The following ROBO2 variants were observed in gnomAD, a reference collection of about 807,000 sequenced individuals.
ROBO2 encodes roundabout homolog 2.
Under a neutral mutation model 160.8 loss-of-function variants are expected in ROBO2, and 53 were observed. The ratio of observed to expected loss-of-function variants is 0.33; its 90% CI spans 0.26 to 0.41. ROBO2 has a LOEUF of 0.41. ROBO2 is among the 10% of genes least tolerant of loss of function. The probability of loss-of-function intolerance (pLI) is 1.00; values close to 1 mark genes in which losing one functional copy is unlikely to be tolerated. For missense variants in ROBO2, 1,577 were observed against 1,722.4 expected, an observed-to-expected ratio of 0.92 and a Z score of 1.49; for synonymous variants, 664 against 611.7, an observed-to-expected ratio of 1.09 and a Z score of -1.26.
chr3:76,586,900 A>G (rs959764835), intron 2 of ROBO2, among the ~76,000 whole-genome samples: 2 of 152,240 alleles, frequency 1.3e-5, no homozygotes, highest in African/African-American at 4.8e-5. Context: ...AGGAAGATCA[A>G]CTCAGAAGCT....
Position 76,345,392 on chromosome 3 carries a change from T to G in ROBO2, c.109+407790T>G, listed in dbSNP as rs138895155. Reference sequence around the variant, plus strand: ...AGATGTGTGAGAATGTGTATAAACATGTGCAGGTGTGTTTCAAGAGTAGGC... The same window carrying G: ...AGATGTGTGAGAATGTGTATAAACAGGTGCAGGTGTGTTTCAAGAGTAGGC... On this transcript the variant is annotated intron_variant, in intron 2 of 26. Coordinates refer to the ROBO2 transcript ENST00000487694. Among the ~76,000 whole-genome samples, 367 of 151,404 alleles carry G rather than the reference T, an allele frequency of 2.4e-3. 1 individual carries two copies. The highest frequency in any genetic ancestry group is 4.5e-3 in the Non-Finnish European group (302 of 67,836).
At chr3:76,567,797 G>GTGTGTA (rs1260549103) in intron 2 of ROBO2, among the ~76,000 whole-genome samples, 15 of 72,454 alleles carry the variant, frequency 2.1e-4, no homozygotes, top group African/African-American at 7.3e-4. Context: ...GTGTGTGTGT[G>GTGTGTA]TATATATATA....
chr3:76,688,961 C>T (rs907030184), intron 2 of ROBO2, among the ~76,000 whole-genome samples: 2 of 151,966 alleles, frequency 1.3e-5, no homozygotes, highest in African/African-American at 4.8e-5. Flanking sequence ...AATAATGAAT[C>T]ATTGCTTACC....
intron 2 of ROBO2, among the ~76,000 whole-genome samples, chr3:76,290,469 G>T (rs1708748310): frequency 6.6e-6 from 1 of 152,136 alleles, no homozygotes; most frequent in African/African-American, 2.4e-5. Context: ...TGCAAAGGGA[G>T]ATATAGTTTG....
chr3:77,276,942 A>G (rs1206009097), intron 2 of ROBO2, among the ~76,000 whole-genome samples: 1 of 152,144 alleles, frequency 6.6e-6, no homozygotes, highest in Non-Finnish European at 1.5e-5. Flanking sequence ...CCAGAATAGT[A>G]TGGGGAAAAC....
At chr3:77,394,831 G>A (rs1473447080) in intron 2 of ROBO2, among the ~76,000 whole-genome samples, 1 of 152,024 alleles carries the variant, frequency 6.6e-6, no homozygotes. Context: ...ATTCATATCA[G>A]CAATACTGTT....
chr3:76,793,954 T>C (rs1278662996), intron 2 of ROBO2, among the ~76,000 whole-genome samples: 1 of 151,986 alleles, frequency 6.6e-6, no homozygotes, highest in African/African-American at 2.4e-5. Flanking sequence ...GAGATCATTG[T>C]CCATCTATTT....
chr3:76,056,739 TAAAC>T (rs1188356705), intron 2 of ROBO2, among the ~76,000 whole-genome samples: 8 of 152,212 alleles, frequency 5.3e-5, no homozygotes, highest in Admixed American at 3.9e-4. Context: ...GTACAAATCT[TAAAC>T]ATACATCAGT....
intron 2 of ROBO2, among the ~76,000 whole-genome samples, chr3:77,244,210 T>C (rs2151390189): frequency 6.6e-6 from 1 of 152,306 alleles, no homozygotes; most frequent in East Asian, 1.9e-4. Context: ...GGCAACTTAC[T>C]GGAAGAATCA....
chr3:75,989,836 C>G (rs2065515671), intron 2 of ROBO2, among the ~76,000 whole-genome samples: 2 of 152,230 alleles, frequency 1.3e-5, no homozygotes, highest in African/African-American at 4.8e-5. Flanking sequence ...ATGCGTAACA[C>G]ACATTCTGTG....
At chr3:77,203,293 A>G (rs991360852) in intron 2 of ROBO2, among the ~76,000 whole-genome samples, 1 of 152,224 alleles carries the variant, frequency 6.6e-6, no homozygotes. Flanking sequence ...AAAATTAAGT[A>G]ATCTTTGATG....
chr3:77,003,918 G>T (rs1396503470), intron 2 of ROBO2, among the ~76,000 whole-genome samples: 1 of 152,052 alleles, frequency 6.6e-6, no homozygotes, highest in East Asian at 1.9e-4. Flanking sequence ...TTCTCTCTCT[G>T]CCTGGGATTT....
intron 2 of ROBO2, among the ~76,000 whole-genome samples, chr3:77,221,299 C>G (rs890786043): frequency 1.3e-5 from 2 of 152,196 alleles, no homozygotes; most frequent in African/African-American, 4.8e-5. Flanking sequence ...GTGTTGCTTA[C>G]TCTTTTAAAA....
rs1377272993 is a variant in ROBO2, at chr3:77,180,414, CTCTATA to C, written c.388+82076_388+82081del. Among the ~76,000 whole-genome samples the C allele has an allele frequency of 2.4e-4, 22 of 92,764 alleles. No individual in the cohort carries two copies. The East Asian group carries it at 3.1e-3, about 13-fold the overall frequency. The allele number at this position is 92,764 out of a possible 152,430, so 60.9% of individuals were successfully genotyped here. A position where few individuals can be genotyped will look rare whatever the true frequency, so the allele number is the denominator to read the frequency against. ...TCTCTCTCTCTCTCTCTCTCTCTCT[CTCTATA>C]TATATATATATGTATTTTTTTTTTT... On this transcript the variant is annotated intron_variant, in intron 2 of 25. Coordinates refer to ENST00000461745, the Ensembl canonical transcript of ROBO2.
rs78177799 is a variant in ROBO2, at chr3:77,224,269, C to T, written c.388+125929C>T. On this transcript the variant is annotated intron_variant, in intron 2 of 25. Transcript: ENST00000461745. Reference sequence around the variant, plus strand: ...TCTCTGAATTTATTTACCATGTTGTCCCAATCGAAAGGCATTGAACATAGT... The same window carrying T: ...TCTCTGAATTTATTTACCATGTTGTTCCAATCGAAAGGCATTGAACATAGT... 4.4e-3 allele frequency among the ~76,000 whole-genome samples: 676 copies of T among 152,006 alleles called. 3 individuals are homozygous for T. The highest frequency in any genetic ancestry group is 0.015 in the African/African-American group (622 of 41,520).
At chr3:76,035,430 G>GT (rs961388554) in intron 2 of ROBO2, among the ~76,000 whole-genome samples, 1 of 151,662 alleles carries the variant, frequency 6.6e-6, no homozygotes, top group African/African-American at 2.4e-5. Flanking sequence ...TTGTTTGTTT[G>GT]TTTTTTTAAT....
At chr3:76,729,884 C>T (rs573524854) in intron 2 of ROBO2, among the ~76,000 whole-genome samples, 9 of 152,178 alleles carry the variant, frequency 5.9e-5, no homozygotes, top group South Asian at 2.1e-4. Flanking sequence ...GTGATCCACC[C>T]GCCTCAGCTT....
chr3:76,518,675 T>A (rs1210685285), intron 2 of ROBO2, among the ~76,000 whole-genome samples: 2 of 152,170 alleles, frequency 1.3e-5, no homozygotes, highest in Non-Finnish European at 2.9e-5. Context: ...GTAGTTCACA[T>A]CTTTATTTGT....
intron 2 of ROBO2, among the ~76,000 whole-genome samples, chr3:77,385,809 A>G (rs76913091): frequency 0.041 from 6,269 of 152,226 alleles, 452 homozygotes; most frequent in African/African-American, 0.14. Flanking sequence ...TTGTTGCAGA[A>G]TTTAGGTAAC....
Sources: allele counts gnomAD v4.1 joint callset (sites outside exome capture counted in the v4.1 genomes callset), GRCh38; gene constraint gnomAD v4.1.1; transcripts MANE v1.5; gene names NCBI Gene and HGNC (gene_info 2026-07-23, HGNC 2026-07-21).